The following FTO variants were observed in gnomAD, a reference collection of about 807,000 sequenced individuals.
The protein encoded by FTO is FTO alpha-ketoglutarate dependent dioxygenase.
In FTO, 47 loss-of-function variants were observed where a neutral mutation model predicts 63.9. The ratio of observed to expected loss-of-function variants is 0.74; its 90% CI spans 0.58 to 0.94. The LOEUF (loss-of-function observed/expected upper bound fraction) is 0.94, where lower values mean the gene tolerates loss of function less well. Among genes scored for constraint, FTO ranks in the 40% least tolerant of loss-of-function variants. FTO has a pLI of 0.00. For missense variants in FTO, 562 were observed against 618.1 expected (o/e 0.91, Z 0.96); for synonymous variants, 207 against 224.4 (o/e 0.92, Z 0.69).
chr16:53,790,550 T>TCTATAAAGAA (rs1472655810), intron 1 of FTO, among the ~76,000 whole-genome samples: 5 of 112,242 alleles, frequency 4.5e-5, no homozygotes, highest in Non-Finnish European at 6.9e-5. Context: ...GACCCCCATC[T>TCTATAAAGAA]CTATAAAGAA....
intron 8 of FTO, chr16:54,071,853 G>C (rs1368208530): frequency 2.6e-5 from 4 of 152,242 alleles, no homozygotes; most frequent in South Asian, 2.1e-4. Flanking sequence ...ATCAATTTAG[G>C]CTTTCTTTAA....
At chr16:53,936,120 T>C (rs1261385474) in intron 8 of FTO, among the ~76,000 whole-genome samples, 1 of 152,244 alleles carries the variant, frequency 6.6e-6, no homozygotes, top group Non-Finnish European at 1.5e-5. Context: ...GCTTTCAGCA[T>C]TTCTGGCCCT....
intron 7 of FTO, among the ~76,000 whole-genome samples, chr16:53,909,435 A>G (rs2081624761): frequency 6.8e-6 from 1 of 146,506 alleles, no homozygotes; most frequent in South Asian, 2.4e-4. Flanking sequence ...GCAAGACTTT[A>G]TGGAAGAGGA....
chr16:53,783,403 C>A (rs796472531), intron 1 of FTO, among the ~76,000 whole-genome samples: 1 of 151,640 alleles, frequency 6.6e-6, no homozygotes, highest in Non-Finnish European at 1.5e-5. Context: ...ACGAGGAGAT[C>A]GAGGCCATCC....
At chr16:54,095,585 A>C (rs1483149165) in intron 8 of FTO, among the ~76,000 whole-genome samples, 1 of 152,162 alleles carries the variant, frequency 6.6e-6, no homozygotes, top group Non-Finnish European at 1.5e-5. Context: ...TCTTCCTTGA[A>C]GTCTTGGTTT....
At chr16:53,883,189 C>T (rs1321934858) in intron 6 of FTO, among the ~76,000 whole-genome samples, 1 of 152,204 alleles carries the variant, frequency 6.6e-6, no homozygotes, top group Non-Finnish European at 1.5e-5. Context: ...TGGGTGCTTT[C>T]TTTAACATGC....
intron 8 of FTO, among the ~76,000 whole-genome samples, chr16:54,080,633 C>A (rs1182723262): frequency 6.6e-5 from 10 of 152,140 alleles, no homozygotes; most frequent in Non-Finnish European, 1.5e-4. Context: ...GGACCCATCA[C>A]CCAAGAGTCT....
chr16:53,973,268 C>A (rs2083370996), intron 8 of FTO, among the ~76,000 whole-genome samples: 2 of 152,332 alleles, frequency 1.3e-5, no homozygotes, highest in Admixed American at 6.5e-5. Context: ...CAGATGCTCT[C>A]CCCTTGTCGG....
intron 6 of FTO, among the ~76,000 whole-genome samples, chr16:53,882,055 A>T (rs1264447808): frequency 6.6e-6 from 1 of 151,584 alleles, no homozygotes; most frequent in Non-Finnish European, 1.5e-5. Context: ...TTTATGGCTG[A>T]TAAATTATAC....
chr16:53,975,873 T>G (rs150842638), intron 8 of FTO, among the ~76,000 whole-genome samples: 68 of 152,294 alleles, frequency 4.5e-4, no homozygotes, highest in African/African-American at 1.5e-3. Flanking sequence ...ATATACTGAT[T>G]ATAGCAACCC....
At chr16:53,957,423 G>A (rs1210743249) in intron 8 of FTO, among the ~76,000 whole-genome samples, 2 of 152,188 alleles carry the variant, frequency 1.3e-5, no homozygotes, top group South Asian at 2.1e-4. Context: ...ATTGTAGAAC[G>A]CTAGAAAATG....
At chr16:53,881,151 A>AAATAAATAAATAAATAAATAT (rs1449117058) in intron 6 of FTO, among the ~76,000 whole-genome samples, 7 of 150,972 alleles carry the variant, frequency 4.6e-5, no homozygotes, top group African/African-American at 1.7e-4. Flanking sequence ...ATAAATAAAT[A>AAATAAATAAATAAATAAATAT]AAAATAAAAT....
At chr16:53,859,515 A>G (rs1355628036) in intron 4 of FTO, among the ~76,000 whole-genome samples, 1 of 148,856 alleles carries the variant, frequency 6.7e-6, no homozygotes, top group African/African-American at 2.4e-5. Context: ...TATCATATAA[A>G]TATATATCAC....
intron 8 of FTO, among the ~76,000 whole-genome samples, chr16:54,015,942 G>A (rs2144109605): frequency 6.6e-6 from 1 of 152,258 alleles, no homozygotes; most frequent in South Asian, 2.1e-4. Flanking sequence ...GCCTACAGCA[G>A]AGGTCAGAAA....
At chr16:53,892,696 A>ATCG (rs2081181112) in intron 7 of FTO, among the ~76,000 whole-genome samples, 1 of 152,178 alleles carries the variant, frequency 6.6e-6, no homozygotes, top group Non-Finnish European at 1.5e-5. Flanking sequence ...AGAAAATAAA[A>ATCG]AACCTCAGGG....
intron 1 of FTO, among the ~76,000 whole-genome samples, chr16:53,761,826 A>G (rs893200958): frequency 4.6e-5 from 7 of 152,120 alleles, no homozygotes; most frequent in Non-Finnish European, 1.0e-4. Context: ...ACGGCTCCTT[A>G]TGGATATGAA....
intron 4 of FTO, among the ~76,000 whole-genome samples, chr16:53,869,731 T>G (rs2080441945): frequency 6.6e-6 from 1 of 152,198 alleles, no homozygotes; most frequent in Admixed American, 6.5e-5. Flanking sequence ...TTCTTAGAAT[T>G]TCCATCCCTC....
At chr16:53,716,183 G>C (rs2075891172) in intron 1 of FTO, among the ~76,000 whole-genome samples, 1 of 152,162 alleles carries the variant, frequency 6.6e-6, no homozygotes, top group Non-Finnish European at 1.5e-5. Flanking sequence ...CTGTTTGAAA[G>C]AAATCTCTTC....
chr16:53,763,089 A>G (rs893572320), intron 1 of FTO, among the ~76,000 whole-genome samples: 1 of 152,216 alleles, frequency 6.6e-6, no homozygotes, highest in Non-Finnish European at 1.5e-5. Context: ...GAGAAAATTA[A>G]CATAAAGGAA....
Sources: allele counts gnomAD v4.1 joint callset (sites outside exome capture counted in the v4.1 genomes callset), GRCh38; gene constraint gnomAD v4.1.1; transcripts MANE v1.5; gene names NCBI Gene and HGNC (gene_info 2026-07-23, HGNC 2026-07-21).